FAT3: variants seen among roughly 807,000 people sequenced by gnomAD.
FAT3 encodes protocadherin Fat 3.
In FAT3, 95 loss-of-function variants were observed where a neutral mutation model predicts 310.2. The ratio of observed to expected loss-of-function variants is 0.31; its 90% confidence interval spans 0.26 to 0.36. The LOEUF is 0.36. Among genes scored for constraint, FAT3 ranks in the 10% least tolerant of loss-of-function variants. FAT3 has a pLI of 1.00. For synonymous variants in FAT3, 2,314 were observed against 2,192.9 expected, an observed-to-expected ratio of 1.06 and a Z score of -1.54; for missense variants, 5,408 against 5,715.6, an observed-to-expected ratio of 0.95 and a Z score of 1.74.
intron 2 of FAT3, among the ~76,000 whole-genome samples, chr11:92,396,758 G>C (rs916876978): frequency 1.3e-5 from 2 of 152,114 alleles, no homozygotes; most frequent in Non-Finnish European, 2.9e-5. Flanking sequence ...TCAAGCTGGA[G>C]TGTGGTGGTG....
chr11:92,632,524 C>T (rs1317264245), intron 3 of FAT3, among the ~76,000 whole-genome samples: 1 of 152,210 alleles, frequency 6.6e-6, no homozygotes, highest in African/African-American at 2.4e-5. Context: ...TTGTTGAACT[C>T]GACCTGACTG....
chr11:92,826,296 A>C (rs1471859562), intron 13 of FAT3, among the ~76,000 whole-genome samples: 1 of 152,260 alleles, frequency 6.6e-6, no homozygotes, highest in Non-Finnish European at 1.5e-5. Flanking sequence ...CTTACAGTTT[A>C]AATAAGAGCA....
chr11:92,798,141 A>T lies in FAT3; in HGVS notation c.5128A>T (p.Ile1710Phe). The T allele has an allele frequency of 1.2e-6, 2 of 1,613,988 alleles. No individual in the cohort carries two copies. Among genetic ancestry groups the T allele is most frequent in the Non-Finnish European group, 1.7e-6 (2 of 1,179,874 alleles). ...CATTTATGAAGTCAAAGATGGAGACATTAATGGGATCTTTACCATAAATCC... is the reference window on the plus strand; with the variant it reads ...CATTTATGAAGTCAAAGATGGAGACTTTAATGGGATCTTTACCATAAATCC... ...TLIYEVKDGD[I>F]NGIFTINPYS... The change falls in exon 10 of 28, where the codon ATT becomes TTT. Residue 1710 changes from isoleucine (I) to phenylalanine (F), a missense_variant. Coordinates refer to ENST00000525166, the MANE Select transcript of FAT3 (RefSeq NM_001367949.2).
At chr11:92,227,927 T>TA (rs1181333283) in intron 1 of FAT3, among the ~76,000 whole-genome samples, 5 of 151,782 alleles carry the variant, frequency 3.3e-5, no homozygotes, top group African/African-American at 7.3e-5. Flanking sequence ...TTTTTTATTT[T>TA]TTTTTTAACA....
intron 21 of FAT3, among the ~76,000 whole-genome samples, chr11:92,861,050 A>G (rs972832692): frequency 1.3e-5 from 2 of 152,244 alleles, no homozygotes; most frequent in African/African-American, 4.8e-5. Flanking sequence ...GAAAGAAGAA[A>G]AACTCAAAAA....
At chr11:92,368,565 A>G (rs1473831829) in intron 2 of FAT3, among the ~76,000 whole-genome samples, 4 of 152,132 alleles carry the variant, frequency 2.6e-5, no homozygotes, top group Non-Finnish European at 1.5e-5. Context: ...TGCAAGAACC[A>G]CATCTTCTAG....
intron 1 of FAT3, among the ~76,000 whole-genome samples, chr11:92,345,214 T>C (rs1948381304): frequency 6.6e-6 from 1 of 152,106 alleles, no homozygotes; most frequent in African/African-American, 2.4e-5. Context: ...TGGTGTATGC[T>C]GACTAGCCCA....
At chr11:92,847,759 G>A (rs1374742653) in intron 19 of FAT3, among the ~76,000 whole-genome samples, 1 of 152,176 alleles carries the variant, frequency 6.6e-6, no homozygotes, top group East Asian at 1.9e-4. Flanking sequence ...GCAGGAGCAG[G>A]CTCTTTGTTT....
intron 19 of FAT3, among the ~76,000 whole-genome samples, chr11:92,851,484 C>T (rs138641076): frequency 2.6e-5 from 4 of 152,186 alleles, no homozygotes; most frequent in African/African-American, 7.2e-5. Context: ...AAAAATTAGC[C>T]AGGGCCAAAA....
At chr11:92,466,094 A>G (rs1262801677) in intron 2 of FAT3, among the ~76,000 whole-genome samples, 1 of 152,166 alleles carries the variant, frequency 6.6e-6, no homozygotes, top group Non-Finnish European at 1.5e-5. Context: ...TGGAGGCTTT[A>G]AAAGCTTAAT....
intron 1 of FAT3, among the ~76,000 whole-genome samples, chr11:92,304,151 A>G (rs75657099): frequency 0.018 from 2,717 of 151,978 alleles, 60 homozygotes; most frequent in Non-Finnish European, 0.022. Context: ...GTGCCTCAGT[A>G]CACCTCTCCA....
At chr11:92,649,874 C>CATATATATATAT (rs10528724) in intron 3 of FAT3, among the ~76,000 whole-genome samples, 28 of 49,650 alleles carry the variant, frequency 5.6e-4, no homozygotes, top group South Asian at 8.7e-4. Flanking sequence ...TTTGTATGTT[C>CATATATATATAT]ATATATATAT....
chr11:92,809,488 G>T (rs1366099312), intron 12 of FAT3, among the ~76,000 whole-genome samples: 4 of 152,098 alleles, frequency 2.6e-5, no homozygotes, highest in Non-Finnish European at 5.9e-5. Flanking sequence ...GTGTTTTCTG[G>T]ACATATAGCA....
chr11:92,520,014 T>C (rs533582511), intron 2 of FAT3, among the ~76,000 whole-genome samples: 1 of 152,258 alleles, frequency 6.6e-6, no homozygotes, highest in East Asian at 1.9e-4. Flanking sequence ...GGAAGTATTC[T>C]TCCATATAAA....
chr11:92,782,850 C>T (rs1370531313), intron 7 of FAT3, among the ~76,000 whole-genome samples: 9 of 152,264 alleles, frequency 5.9e-5, no homozygotes, highest in Non-Finnish European at 4.4e-5. Context: ...TTCTAATTGG[C>T]CTGCTTCCTT....
At chr11:92,780,257 G>A (rs867200027) in intron 7 of FAT3, among the ~76,000 whole-genome samples, 4 of 151,480 alleles carry the variant, frequency 2.6e-5, no homozygotes, top group Non-Finnish European at 4.4e-5. Context: ...GACTTCCTGG[G>A]CTCAAACAAT....
intron 3 of FAT3, among the ~76,000 whole-genome samples, chr11:92,565,793 A>AT (rs554350708): frequency 2.0e-5 from 3 of 152,184 alleles, no homozygotes; most frequent in South Asian, 2.1e-4. Flanking sequence ...AAACCACATG[A>AT]TATCTCAATA....
intron 3 of FAT3, among the ~76,000 whole-genome samples, chr11:92,686,775 A>G (rs138800177): frequency 8.7e-4 from 132 of 152,320 alleles, no homozygotes; most frequent in African/African-American, 3.0e-3. Flanking sequence ...ATCTTAAAGG[A>G]TTGCATGCCT....
chr11:92,800,082 G>A lies in FAT3; in HGVS notation c.7069G>A (p.Val2357Ile). 2 of 1,613,980 alleles carry A rather than the reference G, an allele frequency of 1.2e-6. No individual in the cohort carries two copies. The highest frequency in any genetic ancestry group is 8.5e-7 in the Non-Finnish European group (1 of 1,179,878). ...AGCACGAATGCTGGACCATGAGTTAGTACAACACTGCACTTTGAAAGTCAG... is the reference window on the plus strand; with the variant it reads ...AGCACGAATGCTGGACCATGAGTTAATACAACACTGCACTTTGAAAGTCAG... ...LTARMLDHELVQHCTLKVRSI... is the reference protein window; with the variant it reads ...LTARMLDHELIQHCTLKVRSI... Residue 2357 changes from valine to isoleucine, a missense_variant, in exon 10 of 28, where the codon GTA becomes ATA. Transcript: ENST00000525166.
Sources: allele counts gnomAD v4.1 joint callset (sites outside exome capture counted in the v4.1 genomes callset), GRCh38; gene constraint gnomAD v4.1.1; transcripts MANE v1.5; gene names NCBI Gene and HGNC (gene_info 2026-07-23, HGNC 2026-07-21).